Variants in ASB18 observed in about 807,000 individuals in gnomAD.
The protein encoded by ASB18 is ankyrin repeat and SOCS box containing 18.
Under a neutral mutation model 33.4 loss-of-function variants are expected in ASB18, and 33 were observed. That is an observed-to-expected ratio of 0.99 (90% confidence interval 0.75 to 1.32). The LOEUF is 1.32. Among genes scored for constraint, ASB18 ranks in the 40% most tolerant of loss-of-function variants. The pLI is 0.00. For missense variants in ASB18, 694 were observed against 655.5 expected, an observed-to-expected ratio of 1.06 and a Z score of -0.64; for synonymous variants, 295 against 307.6, an observed-to-expected ratio of 0.96 and a Z score of 0.43.
Position 236,223,218 on chromosome 2 carries a change from G to C in ASB18, c.597-8352C>G, listed in dbSNP as rs1445907455. Among the ~76,000 whole-genome samples the C allele has an allele frequency of 1.3e-5, 2 of 152,198 alleles. No individual in the cohort carries two copies. The highest frequency in any genetic ancestry group is 6.5e-5 in the Admixed American group (1 of 15,282). ...TTTCTTATAACTTTCACAGTGTCAAGTATTTCTTTATAGCAGTGCAAGAAT... is the reference window on the plus strand; with the variant it reads ...TTTCTTATAACTTTCACAGTGTCAACTATTTCTTTATAGCAGTGCAAGAAT... On this transcript the variant is annotated intron_variant, in intron 3 of 5. Coordinates refer to ENST00000409749, the MANE Select transcript of ASB18 (RefSeq NM_212556.4). The surrounding 1 kb of genome is among the most constrained non-coding windows in gnomAD (Gnocchi z 4.6).
At chr2:236,212,511 CT>C (rs970981621) in intron 4 of ASB18, among the ~76,000 whole-genome samples, 27 of 151,796 alleles carry the variant, frequency 1.8e-4, no homozygotes, top group African/African-American at 6.0e-4. Flanking sequence ...ATATTGACTC[CT>C]TTTTTTTTCT....
rs2106279056 is a variant in ASB18, at chr2:236,238,067, C to T, written c.329-111G>A. On this transcript the variant is annotated intron_variant, in intron 2 of 5. Transcript: ENST00000409749. The surrounding 1 kb of genome is among the most constrained non-coding windows in gnomAD (Gnocchi z 5.2). Reference sequence around the variant, plus strand: ...GAAGCCGTCTCTTAAAGGTAGGTACCAGGTAGGCATGTAGGGAGAAGAGGA... The same window carrying T: ...GAAGCCGTCTCTTAAAGGTAGGTACTAGGTAGGCATGTAGGGAGAAGAGGA... 1.1e-6 allele frequency: 1 copy of T among 895,208 alleles called. No individual in the cohort carries two copies. Among genetic ancestry groups the T allele is most frequent in the East Asian group, 3.4e-5 (1 of 29,782 alleles). The allele number at this position is 895,208 out of a possible 1,614,324, so 55.5% of individuals were successfully genotyped here. A position where few individuals can be genotyped will look rare whatever the true frequency, so the allele number is the denominator to read the frequency against.
Position 236,214,318 on chromosome 2 carries a change from C to G in ASB18, c.1101+44G>C, listed in dbSNP as rs377051241. 200 of 1,538,522 alleles carry G rather than the reference C, an allele frequency of 1.3e-4. No individual in the cohort carries two copies. The African/African-American group carries it at 2.5e-3, about 19-fold the overall frequency. ...AGCTCCCAGGCCGGTCACTAAGTGG[C>G]AAAACTCCAGGGCACGTGCCAGCCG... is the stretch of plus-strand genomic sequence containing the variant. On this transcript the variant is annotated intron_variant, in intron 4 of 5. Coordinates refer to ENST00000409749, the MANE Select transcript of ASB18 (RefSeq NM_212556.4). The surrounding 1 kb of genome is among the most constrained non-coding windows in gnomAD (Gnocchi z 6.5).
chr2:236,258,243 GA>G (rs561854325), intron 1 of ASB18, among the ~76,000 whole-genome samples: 252 of 152,344 alleles, frequency 1.7e-3, no homozygotes, highest in Admixed American at 5.2e-3. Flanking sequence ...TGTGGGTCGG[GA>G]GGCTTTGTTG....
rs752403208 is a variant in ASB18, at chr2:236,241,564, G to T, written c.206-162C>A. ...AGAAGAGTTCTTCAGGAACGGGAAA[G>T]ATGGTCTTATGGAGTGTGAGCTATT... On this transcript the variant is annotated intron_variant, in intron 1 of 5. Coordinates refer to ENST00000409749, the MANE Select transcript of ASB18 (RefSeq NM_212556.4). The surrounding 1 kb of genome is among the most constrained non-coding windows in gnomAD (Gnocchi z 4.2). 58 of 817,680 alleles carry T rather than the reference G, an allele frequency of 7.1e-5. No individual in the cohort carries two copies. The highest frequency in any genetic ancestry group is 1.2e-4 in the Non-Finnish European group (57 of 489,420). The allele number at this position is 817,680 out of a possible 1,614,324, so 50.7% of individuals were successfully genotyped here.
Position 236,214,896 on chromosome 2 carries a change from C to T in ASB18, c.597-30G>A. The T allele has an allele frequency of 5.8e-6, 7 of 1,206,702 alleles. No homozygotes were observed. Among genetic ancestry groups the T allele is most frequent in the Non-Finnish European group, 7.2e-6 (7 of 971,672 alleles). 74.7% of individuals were successfully genotyped at this position (1,206,702 alleles called of 1,614,324 possible). On this transcript the variant is annotated intron_variant, in intron 3 of 5. Transcript: ENST00000409749. This position sits in a 1 kb window ranked among gnomAD's most constrained non-coding sequence, Gnocchi z 6.5. ...GGGAAGCCAGGGCCTGTCACTCGGGCGCCACGCAGGACGCCCGCACCCTTC... is the reference window on the plus strand; with the variant it reads ...GGGAAGCCAGGGCCTGTCACTCGGGTGCCACGCAGGACGCCCGCACCCTTC...
At chr2:236,242,875 C>G (rs912761689) in intron 1 of ASB18, among the ~76,000 whole-genome samples, 2 of 150,202 alleles carry the variant, frequency 1.3e-5, no homozygotes, top group Non-Finnish European at 3.0e-5. Context: ...AAAAAATTAG[C>G]TGGGCATGGT....
Position 236,214,264 on chromosome 2 carries a change from T to C in ASB18, c.1101+98A>G. 7.7e-7 allele frequency: 1 copy of C among 1,298,742 alleles called. No individual in the cohort carries two copies. 80.5% of individuals were successfully genotyped at this position (1,298,742 alleles called of 1,614,324 possible). A position where few individuals can be genotyped will look rare whatever the true frequency, so the allele number is the denominator to read the frequency against. On this transcript the variant is annotated intron_variant, in intron 4 of 5. Coordinates refer to ENST00000409749, the MANE Select transcript of ASB18 (RefSeq NM_212556.4). The surrounding 1 kb of genome is among the most constrained non-coding windows in gnomAD (Gnocchi z 6.5). ...CAAGTCCCCAGGGGTGCCTGGGCCA[T>C]TACACTTTGAGAGCGCCGCATGCAA...
In ASB18 at chr2:236,244,428, C is replaced by T. The variant is rs1296015900; in HGVS notation, c.206-3026G>A. Among the ~76,000 whole-genome samples, 1 of 152,208 alleles carries T rather than the reference C, an allele frequency of 6.6e-6. No homozygotes were observed. Among genetic ancestry groups the T allele is most frequent in the South Asian group, 2.1e-4 (1 of 4,834 alleles). On this transcript the variant is annotated intron_variant, in intron 1 of 5. Coordinates refer to ENST00000409749, the MANE Select transcript of ASB18 (RefSeq NM_212556.4). The surrounding 1 kb of genome is among the most constrained non-coding windows in gnomAD (Gnocchi z 6.1). ...CCTGGGGACCCATGGGATCCCATCC[C>T]CACATGGTGTTGCAACCAGGAAGCA...
rs1487258717 is a variant in ASB18, at chr2:236,229,757, T to C, written c.596+7932A>G. On this transcript the variant is annotated intron_variant, in intron 3 of 5. Transcript: ENST00000409749. This position sits in a 1 kb window ranked among gnomAD's most constrained non-coding sequence, Gnocchi z 5.2. The stretch of plus-strand genomic sequence containing the variant: ...CTGGGAGGCTGAGGCAGGAGAATCA[T>C]GTGAATCCGGGAAGCAGAGGTTGCA... 1.3e-5 allele frequency among the ~76,000 whole-genome samples: 2 copies of C among 151,976 alleles called. No homozygotes were observed. Among genetic ancestry groups the C allele is most frequent in the Admixed American group, 6.6e-5 (1 of 15,248 alleles).
Position 236,259,072 on chromosome 2 carries a change from C to T in ASB18, c.205+5069G>A, listed in dbSNP as rs559172576. On this transcript the variant is annotated intron_variant, in intron 1 of 5. Transcript: ENST00000409749. The surrounding 1 kb of genome is among the most constrained non-coding windows in gnomAD (Gnocchi z 4.4). The stretch of plus-strand genomic sequence containing the variant: ...TGGGTCTCACTGCCCCTCCCCCAGC[C>T]GTCCTTTCTCCCTCTCTGTGTTCTC... Among the ~76,000 whole-genome samples the T allele has an allele frequency of 2.6e-5, 4 of 152,186 alleles. No homozygotes were observed. Among genetic ancestry groups the T allele is most frequent in the East Asian group, 1.9e-4 (1 of 5,196 alleles).
At position 236,237,737 on chromosome 2, in the gene ASB18, GCGCTGAGCAGGT is replaced by G. The variant is rs1373011427; in HGVS notation, c.536_547del (p.Asp179_Ser182del). 3.4e-6 allele frequency: 5 copies of G among 1,460,336 alleles called. No individual in the cohort carries two copies. The highest frequency in any genetic ancestry group is 4.5e-6 in the Non-Finnish European group (5 of 1,112,018). The allele number at this position is 1,460,336 out of a possible 1,614,324, so 90.5% of individuals were successfully genotyped here. On this transcript the variant is annotated inframe_deletion, in exon 3 of 6. Coordinates refer to ENST00000409749, the MANE Select transcript of ASB18 (RefSeq NM_212556.4). This position sits in a 1 kb window ranked among gnomAD's most constrained non-coding sequence, Gnocchi z 6.2. ...GAGGTGCAGAGGCGCCAGGCCCTCGGCGCTGAGCAGGTCGGGGTCGGCGCGGTGCTGCAGCAG... is the reference window on the plus strand; with the variant it reads ...GAGGTGCAGAGGCGCCAGGCCCTCGGCGGGGTCGGCGCGGTGCTGCAGCAG...
Position 236,245,803 on chromosome 2 carries a change from G to T in ASB18, c.206-4401C>A, listed in dbSNP as rs940020428. The stretch of plus-strand genomic sequence containing the variant: ...CCGCATGGTGTTCCACACAGAGAAG[G>T]TCTTCAATGCCAACAGTGAAGAGAA... On this transcript the variant is annotated intron_variant, in intron 1 of 5. Coordinates refer to ENST00000409749, the MANE Select transcript of ASB18 (RefSeq NM_212556.4). This position sits in a 1 kb window ranked among gnomAD's most constrained non-coding sequence, Gnocchi z 4.7. 6.6e-6 allele frequency among the ~76,000 whole-genome samples: 1 copy of T among 152,304 alleles called. No homozygotes were observed. The highest frequency in any genetic ancestry group is 1.5e-5 in the Non-Finnish European group (1 of 68,026).
At position 236,229,968 on chromosome 2, in the gene ASB18, A is replaced by G. The variant is rs543216831; in HGVS notation, c.596+7721T>C. ...ATTTATTAGCTATAAAAGAACAAAG[A>G]TAAAACTAGGAGTTTGAGACCACCC... On this transcript the variant is annotated intron_variant, in intron 3 of 5. Coordinates refer to ENST00000409749, the MANE Select transcript of ASB18 (RefSeq NM_212556.4). The surrounding 1 kb of genome is among the most constrained non-coding windows in gnomAD (Gnocchi z 5.2). Among the ~76,000 whole-genome samples, 1 of 152,282 alleles carries G rather than the reference A, an allele frequency of 6.6e-6. No homozygotes were observed. The highest frequency in any genetic ancestry group is 1.9e-4 in the East Asian group (1 of 5,188).
rs1194777365 is a variant in ASB18 at position 236,222,836 on chromosome 2, A to G, written c.597-7970T>C. ...GGAGTTTGAGACCAGCCTGGCCAAC[A>G]TGGTGAAACCCTATCTCTACTAAAA... is the stretch of plus-strand genomic sequence containing the variant. On this transcript the variant is annotated intron_variant, in intron 3 of 5. Coordinates refer to ENST00000409749, the MANE Select transcript of ASB18 (RefSeq NM_212556.4). This position sits in a 1 kb window ranked among gnomAD's most constrained non-coding sequence, Gnocchi z 5.5. Among the ~76,000 whole-genome samples, 1 of 152,200 alleles carries G rather than the reference A, an allele frequency of 6.6e-6. No homozygotes were observed. Among genetic ancestry groups the G allele is most frequent in the East Asian group, 1.9e-4 (1 of 5,194 alleles).
Position 236,250,876 on chromosome 2 carries a change from C to A in ASB18, c.206-9474G>T, listed in dbSNP as rs2060665626. 1 of 152,224 alleles carries A rather than the reference C, an allele frequency of 6.6e-6. No homozygotes were observed. The highest frequency in any genetic ancestry group is 2.1e-4 in the South Asian group (1 of 4,828). 9.4% of individuals were successfully genotyped at this position (152,224 alleles called of 1,614,324 possible). A position where few individuals can be genotyped will look rare whatever the true frequency, so the allele number is the denominator to read the frequency against. ...TATCAAAAATGTTAAAGTATCTCAA[C>A]CTCCTCTCTGAATAACAATGTTAGC... On this transcript the variant is annotated intron_variant, in intron 1 of 5. Transcript: ENST00000409749. This position sits in a 1 kb window ranked among gnomAD's most constrained non-coding sequence, Gnocchi z 4.1.
At position 236,208,951 on chromosome 2, in the gene ASB18, T is replaced by C. The variant is rs903167633; in HGVS notation, c.1101+5411A>G. 1.3e-5 allele frequency among the ~76,000 whole-genome samples: 2 copies of C among 152,162 alleles called. No homozygotes were observed. The highest frequency in any genetic ancestry group is 2.9e-5 in the Non-Finnish European group (2 of 68,042). ...TAAGGGGAAAAATCACACAGGCACA[T>C]TGCTTTATATGTAGATGGAGAAATA... On this transcript the variant is annotated intron_variant, in intron 4 of 5. Coordinates refer to ENST00000409749, the MANE Select transcript of ASB18 (RefSeq NM_212556.4). This position sits in a 1 kb window ranked among gnomAD's most constrained non-coding sequence, Gnocchi z 7.7.
Position 236,216,308 on chromosome 2 carries a change from A to G in ASB18, c.597-1442T>C, listed in dbSNP as rs1232446400. ...TCAAGCTTCCGCCCTCTTCCTTTTCAGCTGTCTACATCAGCTTCATTCAGG... is the reference window on the plus strand; with the variant it reads ...TCAAGCTTCCGCCCTCTTCCTTTTCGGCTGTCTACATCAGCTTCATTCAGG... On this transcript the variant is annotated intron_variant, in intron 3 of 5. Coordinates refer to ENST00000409749, the MANE Select transcript of ASB18 (RefSeq NM_212556.4). The surrounding 1 kb of genome is among the most constrained non-coding windows in gnomAD (Gnocchi z 6.1). Among the ~76,000 whole-genome samples the G allele has an allele frequency of 6.6e-6, 1 of 152,120 alleles. No homozygotes were observed. The highest frequency in any genetic ancestry group is 2.4e-5 in the African/African-American group (1 of 41,412).
chr2:236,248,117 ACT>A lies in ASB18; in HGVS notation c.206-6717_206-6716del, dbSNP rs1273903099. 1 of 152,042 alleles carries A rather than the reference ACT, an allele frequency of 6.6e-6. No homozygotes were observed. Among genetic ancestry groups the A allele is most frequent in the Non-Finnish European group, 1.5e-5 (1 of 68,022 alleles). The allele number at this position is 152,042 out of a possible 1,614,324, so 9.4% of individuals were successfully genotyped here. On this transcript the variant is annotated intron_variant, in intron 1 of 5. Coordinates refer to ENST00000409749, the MANE Select transcript of ASB18 (RefSeq NM_212556.4). This position sits in a 1 kb window ranked among gnomAD's most constrained non-coding sequence, Gnocchi z 4.9. The stretch of plus-strand genomic sequence containing the variant: ...AACAGTGCGAGTCTTTCTTTAGGAA[ACT>A]CTGGCTAAATAATGTGAACTGGAGA...
Sources: gnomAD v4.1 joint callset for allele counts (sites outside exome capture counted in the v4.1 genomes callset) on GRCh38, gnomAD v4.1.1 for gene constraint, Gnocchi (gnomAD v3.1) non-coding constraint, MANE v1.5 for transcripts, NCBI Gene and HGNC (gene_info 2026-07-23, HGNC 2026-07-21) for gene names.